Variants in PPARGC1B observed in about 807,000 individuals in gnomAD.
PPARGC1B encodes peroxisome proliferator-activated receptor gamma coactivator 1-beta.
PPARGC1B carries 34 observed loss-of-function variants against 101.6 expected under a neutral mutation model. The ratio of observed to expected loss-of-function variants is 0.33; its 90% confidence interval spans 0.25 to 0.45. PPARGC1B has a LOEUF of 0.45. Ranked by LOEUF, PPARGC1B falls within the 20% of genes least tolerant of loss-of-function variation. PPARGC1B has a pLI of 1.00. For synonymous variants in PPARGC1B, 548 were observed against 539.3 expected, an observed-to-expected ratio of 1.02 and a Z score of -0.22; for missense variants, 1,234 against 1,317.6, an observed-to-expected ratio of 0.94 and a Z score of 0.98.
At chr5:149,777,654 G>A (rs938067659) in intron 1 of PPARGC1B, among the ~76,000 whole-genome samples, 3 of 152,076 alleles carry the variant, frequency 2.0e-5, no homozygotes, top group South Asian at 2.1e-4. Flanking sequence ...CCGGGCAGCC[G>A]GCCCCTCCCC....
chr5:149,835,273 T>C (rs765648796), intron 6 of PPARGC1B, 28 bp from the exon 7 acceptor site: 7 of 1,612,718 alleles, frequency 4.3e-6, no homozygotes, highest in Non-Finnish European at 5.9e-6. Flanking sequence ...CTTGCTTCTT[T>C]CCTTTCTGTC....
intron 8 of PPARGC1B, among the ~76,000 whole-genome samples, chr5:149,839,324 T>C (rs1037590924): frequency 2.6e-5 from 4 of 152,210 alleles, no homozygotes; most frequent in Admixed American, 2.0e-4. Context: ...GGGGCCAAGC[T>C]TCAAACTCAA....
intron 1 of PPARGC1B, among the ~76,000 whole-genome samples, chr5:149,746,394 G>A (rs1755090828): frequency 6.6e-6 from 1 of 152,200 alleles, no homozygotes; most frequent in Non-Finnish European, 1.5e-5. Context: ...TTAGCATAGT[G>A]TCATCAAGGC....
intron 1 of PPARGC1B, among the ~76,000 whole-genome samples, chr5:149,812,006 G>T (rs1757883322): frequency 6.6e-6 from 1 of 152,240 alleles, no homozygotes; most frequent in South Asian, 2.1e-4. Flanking sequence ...GTGACCTCCT[G>T]TGGGGTCGCC....
intron 1 of PPARGC1B, among the ~76,000 whole-genome samples, chr5:149,789,324 G>A (rs1164765139): frequency 2.6e-5 from 4 of 152,172 alleles, no homozygotes; most frequent in African/African-American, 9.7e-5. Flanking sequence ...ATGGGGGCTT[G>A]CCTGGGAAGT....
rs918405743 is a variant in PPARGC1B, at chr5:149,837,127, C to T, written c.2618+54C>T. On this transcript the variant is annotated intron_variant, in intron 8 of 11. Coordinates refer to ENST00000309241, the MANE Select transcript of PPARGC1B (RefSeq NM_133263.4). The surrounding 1 kb of genome is among the most constrained non-coding windows in gnomAD (Gnocchi z 4.2). ...GCGGGCAGTGGAGGATCCCAGTTCCCGGGGAGCCAGGAGCCCCAGGAGGGA... is the reference window on the plus strand; with the variant it reads ...GCGGGCAGTGGAGGATCCCAGTTCCTGGGGAGCCAGGAGCCCCAGGAGGGA... The T allele has an allele frequency of 2.9e-5, 45 of 1,533,524 alleles. No homozygotes were observed. Among genetic ancestry groups the T allele is most frequent in the Non-Finnish European group, 3.2e-5 (36 of 1,141,516 alleles). 95.0% of individuals were successfully genotyped at this position (1,533,524 alleles called of 1,614,324 possible).
At chr5:149,809,649 C>G (rs1757768081) in intron 1 of PPARGC1B, among the ~76,000 whole-genome samples, 1 of 134,928 alleles carries the variant, frequency 7.4e-6, no homozygotes, top group Admixed American at 8.3e-5. Context: ...GATCATGTTA[C>G]TGCACTCCAG....
At chr5:149,781,760 G>A (rs1482186166) in intron 1 of PPARGC1B, among the ~76,000 whole-genome samples, 3 of 151,806 alleles carry the variant, frequency 2.0e-5, no homozygotes, top group Non-Finnish European at 4.4e-5. Context: ...AGTGCTGAGG[G>A]ATGTCCTGGC....
At chr5:149,821,716 C>T (rs571593625) in intron 2 of PPARGC1B, among the ~76,000 whole-genome samples, 1 of 152,200 alleles carries the variant, frequency 6.6e-6, no homozygotes, top group South Asian at 2.1e-4. Context: ...TACCAAGCCC[C>T]CTATGTGTCA....
intron 1 of PPARGC1B, among the ~76,000 whole-genome samples, chr5:149,741,538 G>C (rs1328172393): frequency 6.6e-6 from 1 of 152,100 alleles, no homozygotes; most frequent in Non-Finnish European, 1.5e-5. Context: ...AAATGTCCAT[G>C]TAGCTCACTA....
rs1301759691 is a variant in PPARGC1B at position 149,850,676 on chromosome 5, G to A, written c.*3118G>A. On this transcript the variant is annotated 3_prime_UTR_variant, in exon 12 of 12. Transcript: ENST00000309241. ...TGCCATTGGCAACCATCTCGTTGTA[G>A]CTCTGTCCTAGTGTTTGCTCTTGAT... The A allele has an allele frequency of 6.6e-6, 1 of 152,220 alleles. No individual in the cohort carries two copies. The highest frequency in any genetic ancestry group is 1.5e-5 in the Non-Finnish European group (1 of 68,064). The allele number at this position is 152,220 out of a possible 1,614,324, so 9.4% of individuals were successfully genotyped here.
At position 149,832,690 on chromosome 5, in the gene PPARGC1B, T is replaced by C. The variant is rs1332153958; in HGVS notation, c.617T>C (p.Met206Thr). ...DSTQDKKAPM[M>T]QSQSRSCTEL... ...ACCCAAGACAAGAAGGCTCCCATGA[T>C]GCAGTCTCAGAGCCGAAGTTGTACA... Residue 206 changes from methionine (M) to threonine (T), a missense_variant, in exon 5 of 12, where the codon ATG becomes ACG. Transcript: ENST00000309241. This position sits in a 1 kb window ranked among gnomAD's most constrained non-coding sequence, Gnocchi z 4.9. 6.4e-7 allele frequency: 1 copy of C among 1,559,148 alleles called. No homozygotes were observed. Among genetic ancestry groups the C allele is most frequent in the Non-Finnish European group, 8.7e-7 (1 of 1,149,530 alleles).
chr5:149,802,819 G>A (rs1429491446), intron 1 of PPARGC1B, among the ~76,000 whole-genome samples: 2 of 152,132 alleles, frequency 1.3e-5, no homozygotes, highest in Non-Finnish European at 2.9e-5. Context: ...TTAAAATGCA[G>A]ATTCTGATTC....
At chr5:149,764,162 TA>T (rs1755821414) in intron 1 of PPARGC1B, among the ~76,000 whole-genome samples, 1 of 119,958 alleles carries the variant, frequency 8.3e-6, no homozygotes, top group Non-Finnish European at 2.0e-5. Context: ...ATTCTTTATA[TA>T]GATAGAGAAA....
intron 1 of PPARGC1B, chr5:149,772,225 C>G: frequency 6.3e-7 from 1 of 1,580,310 alleles, no homozygotes; most frequent in South Asian, 1.2e-5. Flanking sequence ...TTGTGACATG[C>G]TGCCGGGAGG....
chr5:149,832,588 A>C lies in PPARGC1B; in HGVS notation c.583-68A>C. The C allele has an allele frequency of 7.6e-7, 1 of 1,311,288 alleles. No individual in the cohort carries two copies. Among genetic ancestry groups the C allele is most frequent in the Non-Finnish European group, 1.0e-6 (1 of 956,302 alleles). 81.2% of individuals were successfully genotyped at this position (1,311,288 alleles called of 1,614,324 possible). On this transcript the variant is annotated intron_variant, in intron 4 of 11. Transcript: ENST00000309241. The surrounding 1 kb of genome is among the most constrained non-coding windows in gnomAD (Gnocchi z 4.9). ...AGACACAATGGGCCAGCCAGTGACC[A>C]TGCGGATGAGACACATGGGAGGAGT... is the stretch of plus-strand genomic sequence containing the variant.
chr5:149,843,641 G>T (rs7725304), intron 10 of PPARGC1B, among the ~76,000 whole-genome samples: 15,801 of 152,128 alleles, frequency 0.1, 1,043 homozygotes, highest in East Asian at 0.19. Context: ...CCACTTACGG[G>T]TATATATTCA....
At chr5:149,758,027 T>G (rs1156254137) in intron 1 of PPARGC1B, among the ~76,000 whole-genome samples, 1 of 152,248 alleles carries the variant, frequency 6.6e-6, no homozygotes, top group African/African-American at 2.4e-5. Flanking sequence ...AATGGCTACC[T>G]TTTCTCCCTC....
intron 1 of PPARGC1B, among the ~76,000 whole-genome samples, chr5:149,746,759 C>T (rs975455939): frequency 5.3e-5 from 8 of 152,178 alleles, no homozygotes; most frequent in Non-Finnish European, 1.2e-4. Flanking sequence ...CTCTCTAACA[C>T]TTCCTGTTTT....
Sources: allele counts gnomAD v4.1 joint callset (sites outside exome capture counted in the v4.1 genomes callset), GRCh38; gene constraint gnomAD v4.1.1; non-coding constraint Gnocchi (gnomAD v3.1); transcripts MANE v1.5; gene names NCBI Gene and HGNC (gene_info 2026-07-23, HGNC 2026-07-21).